The following TAFA1 variants were observed in gnomAD, a reference collection of about 807,000 sequenced individuals.
TAFA1 encodes the protein chemokine-like protein TAFA-1.
TAFA1 carries 4 observed loss-of-function variants against 18.5 expected under a neutral mutation model. The ratio of observed to expected loss-of-function variants is 0.22; its 90% CI spans 0.11 to 0.49. The LOEUF (loss-of-function observed/expected upper bound fraction) is 0.49. Ranked by LOEUF, TAFA1 falls within the 20% of genes least tolerant of loss-of-function variation. The pLI is 0.98. For missense variants in TAFA1, 147 were observed against 169.0 expected (o/e 0.87, Z 0.72); for synonymous variants, 56 against 55.2 (o/e 1.01, Z -0.06).
At chr3:68,054,507 C>A (rs2064509701) in intron 2 of TAFA1, among the ~76,000 whole-genome samples, 1 of 152,234 alleles carries the variant, frequency 6.6e-6, no homozygotes, top group Non-Finnish European at 1.5e-5. Flanking sequence ...ATTACCCAGC[C>A]TTAGCTATTC....
At chr3:68,395,488 G>A (rs1050285157) in intron 2 of TAFA1, among the ~76,000 whole-genome samples, 2 of 151,634 alleles carry the variant, frequency 1.3e-5, no homozygotes, top group Admixed American at 6.6e-5. Context: ...AGACACATAC[G>A]TTTACTGCAC....
At chr3:68,056,678 G>A (rs963884251) in intron 2 of TAFA1, among the ~76,000 whole-genome samples, 5 of 152,176 alleles carry the variant, frequency 3.3e-5, no homozygotes, top group Non-Finnish European at 1.5e-5. Flanking sequence ...CAGTAGAGAA[G>A]CAAGGGTGTG....
intron 3 of TAFA1, among the ~76,000 whole-genome samples, chr3:68,525,517 G>A (rs1439127600): frequency 6.6e-6 from 1 of 152,108 alleles, no homozygotes; most frequent in Non-Finnish European, 1.5e-5. Flanking sequence ...AAATAACCAT[G>A]CTAGTTGTGT....
intron 3 of TAFA1, among the ~76,000 whole-genome samples, chr3:68,501,154 G>GAAAAAAAAAAAAAAAAAAAAAAAT (rs57247656): frequency 1.1e-5 from 1 of 91,634 alleles, no homozygotes; most frequent in Non-Finnish European, 2.0e-5. Flanking sequence ...GACCCTGTCT[G>GAAAAAAAAAAAAAAAAAAAAAAAT]AAAAAAAAAA....
At chr3:68,483,582 C>T (rs1036878555) in intron 3 of TAFA1, among the ~76,000 whole-genome samples, 2 of 152,106 alleles carry the variant, frequency 1.3e-5, no homozygotes, top group African/African-American at 4.8e-5. Context: ...AAATGAGCAG[C>T]AAGATAATTT....
intron 2 of TAFA1, among the ~76,000 whole-genome samples, chr3:68,038,813 G>A (rs925824974): frequency 1.3e-5 from 2 of 152,180 alleles, no homozygotes; most frequent in East Asian, 3.8e-4. Flanking sequence ...ACTACAAAGA[G>A]ATCACTGCTG....
At chr3:68,194,155 A>G (rs1009562191) in intron 2 of TAFA1, among the ~76,000 whole-genome samples, 3 of 151,696 alleles carry the variant, frequency 2.0e-5, no homozygotes, top group African/African-American at 7.3e-5. Context: ...ATTTCTGCCC[A>G]CTGATCAAAG....
At chr3:68,099,347 T>A (rs180724230) in intron 2 of TAFA1, among the ~76,000 whole-genome samples, 1 of 152,146 alleles carries the variant, frequency 6.6e-6, no homozygotes, top group Admixed American at 6.5e-5. Flanking sequence ...GAAAAGGACA[T>A]GAACAGACAC....
At chr3:68,362,803 T>C (rs569662764) in intron 2 of TAFA1, among the ~76,000 whole-genome samples, 1 of 152,166 alleles carries the variant, frequency 6.6e-6, no homozygotes, top group South Asian at 2.1e-4. Context: ...GATGATACGG[T>C]AGGTTCTACA....
intron 2 of TAFA1, among the ~76,000 whole-genome samples, chr3:68,403,073 T>A (rs1702145715): frequency 6.6e-6 from 1 of 152,218 alleles, no homozygotes. Flanking sequence ...CACAAGTACT[T>A]ATTATGTTAT....
chr3:68,020,691 T>C (rs914418305), intron 2 of TAFA1, among the ~76,000 whole-genome samples: 3 of 152,226 alleles, frequency 2.0e-5, no homozygotes, highest in African/African-American at 7.2e-5. Context: ...CCTATTATCA[T>C]ACCTGAGTCT....
intron 2 of TAFA1, among the ~76,000 whole-genome samples, chr3:68,257,582 T>A (rs1475824988): frequency 6.6e-6 from 1 of 152,152 alleles, no homozygotes; most frequent in East Asian, 1.9e-4. Flanking sequence ...ACTCATGATT[T>A]TATTTAATCC....
intron 2 of TAFA1, among the ~76,000 whole-genome samples, chr3:68,022,158 AG>A (rs1443670119): frequency 1.3e-5 from 2 of 152,202 alleles, no homozygotes; most frequent in Non-Finnish European, 2.9e-5. Flanking sequence ...AAAGTCACTA[AG>A]GGTAGTTTAT....
chr3:68,537,935 GTTA>G (rs1240799851), intron 3 of TAFA1, among the ~76,000 whole-genome samples: 1 of 152,136 alleles, frequency 6.6e-6, no homozygotes, highest in African/African-American at 2.4e-5. Context: ...GAAACCTGGA[GTTA>G]TCACTCAAAT....
At chr3:68,103,359 C>T (rs1040136384) in intron 2 of TAFA1, among the ~76,000 whole-genome samples, 2 of 152,192 alleles carry the variant, frequency 1.3e-5, no homozygotes, top group African/African-American at 4.8e-5. Flanking sequence ...TAAAGGTTTC[C>T]TTGTTTTTAA....
At chr3:68,250,220 T>C (rs2067166653) in intron 2 of TAFA1, among the ~76,000 whole-genome samples, 2 of 152,158 alleles carry the variant, frequency 1.3e-5, no homozygotes, top group South Asian at 2.1e-4. Flanking sequence ...TCTATTTGCT[T>C]ATCTTTCCAA....
At chr3:68,125,706 C>T (rs1457102295) in intron 2 of TAFA1, among the ~76,000 whole-genome samples, 2 of 152,146 alleles carry the variant, frequency 1.3e-5, no homozygotes, top group East Asian at 1.9e-4. Flanking sequence ...CTCAGCTCAC[C>T]CCTCATTTTA....
chr3:68,070,202 T>G (rs2064735810), intron 2 of TAFA1, among the ~76,000 whole-genome samples: 1 of 152,224 alleles, frequency 6.6e-6, no homozygotes, highest in Non-Finnish European at 1.5e-5. Flanking sequence ...ATCCAGGCAT[T>G]TCTATACATC....
chr3:68,019,162 G>A (rs934466455), intron 2 of TAFA1, among the ~76,000 whole-genome samples: 2 of 152,178 alleles, frequency 1.3e-5, no homozygotes, highest in African/African-American at 4.8e-5. Context: ...ACATTAGCCA[G>A]GCATCTGTTT....
Sources: gnomAD v4.1 joint callset for allele counts (sites outside exome capture counted in the v4.1 genomes callset) on GRCh38, gnomAD v4.1.1 for gene constraint, MANE v1.5 for transcripts, NCBI Gene and HGNC (gene_info 2026-07-23, HGNC 2026-07-21) for gene names.